PRORP: variants seen among roughly 807,000 people sequenced by gnomAD.
PRORP encodes the protein protein only RNase P catalytic subunit, also known as mitochondrial ribonuclease P catalytic subunit.
A neutral mutation model predicts 59.4 loss-of-function variants in PRORP; 51 were observed. The ratio of observed to expected loss-of-function variants is 0.86; its 90% CI spans 0.69 to 1.08. PRORP has a LOEUF of 1.08. Ranked by LOEUF, PRORP falls within the 50% of genes least tolerant of loss-of-function variation. PRORP has a pLI of 0.00. For synonymous variants in PRORP, 231 were observed against 245.6 expected, an observed-to-expected ratio of 0.94 and a Z score of 0.55; for missense variants, 646 against 690.3, an observed-to-expected ratio of 0.94 and a Z score of 0.72.
intron 4 of PRORP, among the ~76,000 whole-genome samples, chr14:35,132,762 GGGCGACA>G (rs1257800853): frequency 6.8e-6 from 1 of 147,854 alleles, no homozygotes; most frequent in East Asian, 2.0e-4. Flanking sequence ...ACTCCAGCCT[GGGCGACA>G]GAGTGAGACT....
At chr14:35,121,876 A>T, upstream of PRORP, 1 of 1,613,362 alleles carries the variant, frequency 6.2e-7, no homozygotes. Flanking sequence ...GGGCCATCCC[A>T]ACGGGCTGCC....
chr14:35,166,380 T>G (rs1257028730), intron 4 of PRORP, among the ~76,000 whole-genome samples: 1 of 152,144 alleles, frequency 6.6e-6, no homozygotes, highest in East Asian at 1.9e-4. Context: ...TTTGTCCTCT[T>G]CTTTGAGGGA....
rs548357155 is a variant in PRORP, at chr14:35,141,220, TTTCC to T, written c.1167+13617_1167+13620del. Among the ~76,000 whole-genome samples, 131 of 145,046 alleles carry T rather than the reference TTTCC, an allele frequency of 9.0e-4. 10 individuals are homozygous for T. The highest frequency in any genetic ancestry group is 1.8e-3 in the Non-Finnish European group (118 of 65,298). On this transcript the variant is annotated intron_variant, in intron 4 of 7. Transcript: ENST00000534898. ...AATGTTAATTAGGTTTTTTTCTTAT[TTTCC>T]TTCCTTCTTTTTCTTTTTTTTTTTG...
At chr14:35,240,980 T>G (rs1013763050) in intron 5 of PRORP, among the ~76,000 whole-genome samples, 2 of 152,160 alleles carry the variant, frequency 1.3e-5, no homozygotes, top group African/African-American at 4.8e-5. Flanking sequence ...ATGTACAGAC[T>G]TTTTTTCTTG....
chr14:35,244,678 T>C (rs937198127), intron 5 of PRORP, among the ~76,000 whole-genome samples: 1 of 152,190 alleles, frequency 6.6e-6, no homozygotes, highest in Non-Finnish European at 1.5e-5. Flanking sequence ...TGTTTTAATA[T>C]AAATGTGTAG....
chr14:35,124,934 C>T (rs966537191), intron 2 of PRORP, among the ~76,000 whole-genome samples: 3 of 147,516 alleles, frequency 2.0e-5, no homozygotes, highest in African/African-American at 7.5e-5. Flanking sequence ...ATGGCATGAT[C>T]TCGGCTCATT....
chr14:35,161,026 T>C (rs1428130252), intron 4 of PRORP, among the ~76,000 whole-genome samples: 1 of 152,062 alleles, frequency 6.6e-6, no homozygotes, highest in Non-Finnish European at 1.5e-5. Context: ...GTGGAAGCAG[T>C]TAGGTTATGG....
At position 35,198,331 on chromosome 14, in the gene PRORP, A is replaced by G. The variant is rs530556707; in HGVS notation, c.1275+17554A>G. 2.0e-4 allele frequency among the ~76,000 whole-genome samples: 30 copies of G among 152,320 alleles called. No homozygotes were observed. The East Asian group carries it at 5.6e-3, about 28-fold the overall frequency. The stretch of plus-strand genomic sequence containing the variant: ...GTGGGCACTCTGAGTACTATTCACA[A>G]CATTCTTGTTACGAACCGGTGAATG... On this transcript the variant is annotated intron_variant, in intron 5 of 7. Transcript: ENST00000534898.
At chr14:35,196,216 T>C (rs1370098899) in intron 5 of PRORP, among the ~76,000 whole-genome samples, 1 of 152,222 alleles carries the variant, frequency 6.6e-6, no homozygotes, top group African/African-American at 2.4e-5. Flanking sequence ...GGCTCATACC[T>C]GTAATCCCAA....
intron 4 of PRORP, among the ~76,000 whole-genome samples, chr14:35,143,624 AG>A (rs759215401): frequency 6.9e-6 from 1 of 145,528 alleles, no homozygotes; most frequent in Non-Finnish European, 1.5e-5. Context: ...AATAAAAGAC[AG>A]ATAGTTTTTG....
At chr14:35,175,240 T>A (rs949171186) in intron 4 of PRORP, among the ~76,000 whole-genome samples, 4 of 152,136 alleles carry the variant, frequency 2.6e-5, no homozygotes, top group Admixed American at 1.3e-4. Flanking sequence ...TGATTTATAA[T>A]CCTTTGGGTA....
rs763400590 is a variant in PRORP, at chr14:35,266,715, TG to T, written c.1276-11del. 3 of 1,612,686 alleles carry T rather than the reference TG, an allele frequency of 1.9e-6. No individual in the cohort carries two copies. The highest frequency in any genetic ancestry group is 2.5e-6 in the Non-Finnish European group (3 of 1,179,510). Reference sequence around the variant, plus strand: ...CCTTGAACTTTTGTGGTTCTGGCTTTGTGTTTTTTAGCTCTTGAATGTCGTC... The same window carrying T: ...CCTTGAACTTTTGTGGTTCTGGCTTTTGTTTTTTAGCTCTTGAATGTCGTC... On this transcript the variant is annotated splice_polypyrimidine_tract_variant and intron_variant, in intron 5 of 7. Coordinates refer to ENST00000534898, the MANE Select transcript of PRORP (RefSeq NM_014672.4).
intron 5 of PRORP, among the ~76,000 whole-genome samples, chr14:35,198,178 T>G (rs2049054245): frequency 6.6e-6 from 1 of 152,230 alleles, no homozygotes; most frequent in Non-Finnish European, 1.5e-5. Flanking sequence ...ACTATAAGAC[T>G]CATTCATTTA....
At chr14:35,175,798 G>A (rs1307237583) in intron 4 of PRORP, among the ~76,000 whole-genome samples, 2 of 152,104 alleles carry the variant, frequency 1.3e-5, no homozygotes, top group African/African-American at 4.8e-5. Context: ...TAGTGTTTTA[G>A]ACATGAAGTC....
intron 5 of PRORP, among the ~76,000 whole-genome samples, chr14:35,213,572 G>A (rs1056510282): frequency 5.3e-5 from 8 of 152,106 alleles, no homozygotes; most frequent in Non-Finnish European, 1.2e-4. Flanking sequence ...TTTTATTTAA[G>A]GTAGGAAATG....
At position 35,218,616 on chromosome 14, in the gene PRORP, T is replaced by C. The variant is rs1375171962; in HGVS notation, c.1275+37839T>C. On this transcript the variant is annotated intron_variant, in intron 5 of 7. Transcript: ENST00000534898. ...ATCTCAGCTCACTGCAACTTCCGCC[T>C]CCTGAGTTTAAGCCATTCTCCTGCC... Among the ~76,000 whole-genome samples the C allele has an allele frequency of 2.1e-5, 3 of 143,266 alleles. No homozygotes were observed. In the Admixed American group the frequency reaches 2.2e-4, roughly 11 times the overall value. The allele number at this position is 143,266 out of a possible 152,430, so 94.0% of individuals were successfully genotyped here. A position where few individuals can be genotyped will look rare whatever the true frequency, so the allele number is the denominator to read the frequency against.
At chr14:35,164,115 T>C (rs2048125305) in intron 4 of PRORP, among the ~76,000 whole-genome samples, 1 of 152,194 alleles carries the variant, frequency 6.6e-6, no homozygotes, top group South Asian at 2.1e-4. Flanking sequence ...TTCCATTCTG[T>C]TCCATTGGTC....
At chr14:35,266,013 CAAAAAA>C (rs35304125) in intron 5 of PRORP, among the ~76,000 whole-genome samples, 13 of 117,118 alleles carry the variant, frequency 1.1e-4, no homozygotes, top group Non-Finnish European at 2.0e-4. Flanking sequence ...CCATCTCTAC[CAAAAAA>C]AAAAAAAAAA....
At chr14:35,252,013 A>G (rs552454243) in intron 5 of PRORP, among the ~76,000 whole-genome samples, 37 of 152,156 alleles carry the variant, frequency 2.4e-4, no homozygotes, top group Non-Finnish European at 5.1e-4. Flanking sequence ...ATGAATATAA[A>G]TTTGGAATAG....
Sources: gnomAD v4.1 joint callset for allele counts (sites outside exome capture counted in the v4.1 genomes callset) on GRCh38, gnomAD v4.1.1 for gene constraint, MANE v1.5 for transcripts, NCBI Gene and HGNC (gene_info 2026-07-23, HGNC 2026-07-21) for gene names.